Variants in XRCC1 observed in about 807,000 individuals in gnomAD.
The protein encoded by XRCC1 is DNA repair protein XRCC1.
XRCC1 carries 52 observed loss-of-function variants against 83.3 expected under a neutral mutation model. The ratio of observed to expected loss-of-function variants is 0.62; its 90% confidence interval spans 0.50 to 0.79. The LOEUF is 0.79. Ranked by LOEUF, XRCC1 falls within the 30% of genes least tolerant of loss-of-function variation. XRCC1 has a pLI of 0.00. For synonymous variants in XRCC1, 281 were observed against 312.6 expected, an observed-to-expected ratio of 0.90 and a Z score of 1.07; for missense variants, 793 against 823.5, an observed-to-expected ratio of 0.96 and a Z score of 0.45.
At chr19:43,573,664 G>T (rs1268410940) in intron 2 of XRCC1, among the ~76,000 whole-genome samples, 1 of 152,094 alleles carries the variant, frequency 6.6e-6, no homozygotes, top group Non-Finnish European at 1.5e-5. Flanking sequence ...CTTGAGCCCA[G>T]GAGTTTGAGA....
At position 43,543,674 on chromosome 19, in the gene XRCC1, A is replaced by T. The variant is rs2682557; in HGVS notation, c.1726T>A (p.Tyr576Asn). The T allele has an allele frequency of 1.4e-5, 23 of 1,613,862 alleles. No homozygotes were observed. The highest frequency in any genetic ancestry group is 1.9e-5 in the Non-Finnish European group (23 of 1,180,010). ...VTAFNGELED[Y>N]MSDRVQFVIT... ...ACAAACTGAACCCGGTCACTCATATAGTCCTCGAGCTCCCTGGCGGGAGAG... is the reference window on the plus strand; with the variant it reads ...ACAAACTGAACCCGGTCACTCATATTGTCCTCGAGCTCCCTGGCGGGAGAG... Residue 576 changes from tyrosine (Y) to asparagine (N), a missense_variant, in exon 16 of 17, where the codon TAT (tyrosine) becomes AAT (asparagine). Transcript: ENST00000262887.
Position 43,543,685 on chromosome 19 carries a change from T to C in XRCC1, c.1715A>G (p.Glu572Gly). Reference protein sequence around the residue: ...LIRYVTAFNGELEDYMSDRVQ... With the variant: ...LIRYVTAFNGGLEDYMSDRVQ... Reference sequence around the variant, plus strand: ...CCGGTCACTCATATAGTCCTCGAGCTCCCTGGCGGGAGAGAAGAAAAGAGG... The same window carrying C: ...CCGGTCACTCATATAGTCCTCGAGCCCCCTGGCGGGAGAGAAGAAAAGAGG... The change falls in exon 16 of 17, where the codon GAG becomes GGG. Residue 572 changes from glutamate to glycine, a missense_variant and splice_region_variant. By Grantham distance (98) the Glu-to-Gly change is moderately conservative. Transcript: ENST00000262887. 6.2e-7 allele frequency: 1 copy of C among 1,613,664 alleles called. No individual in the cohort carries two copies. The highest frequency in any genetic ancestry group is 8.5e-7 in the Non-Finnish European group (1 of 1,179,910).
intron 10 of XRCC1, among the ~76,000 whole-genome samples, chr19:43,548,272 T>C (rs1196804409): frequency 4.0e-5 from 6 of 151,582 alleles, no homozygotes; most frequent in Non-Finnish European, 7.4e-5. Context: ...GTCTGGGAGG[T>C]GTACCCAACA....
At position 43,554,632 on chromosome 19, in the gene XRCC1, C is replaced by T. The variant is rs1198271867; in HGVS notation, c.414+14G>A. On this transcript the variant is annotated intron_variant, in intron 4 of 16. Transcript: ENST00000262887. ...GGACCAAGGACTCTGCACCCTGGCTCCCACCCTAGGTACCTTGCTGTAGGG... is the reference window on the plus strand; with the variant it reads ...GGACCAAGGACTCTGCACCCTGGCTTCCACCCTAGGTACCTTGCTGTAGGG... 6.2e-7 allele frequency: 1 copy of T among 1,602,648 alleles called. No homozygotes were observed. The highest frequency in any genetic ancestry group is 1.1e-5 in the South Asian group (1 of 90,514).
chr19:43,574,900 G>T lies in XRCC1; in HGVS notation c.144+10C>A, dbSNP rs1444740105. On this transcript the variant is annotated intron_variant, in intron 2 of 16. Coordinates refer to ENST00000262887, the MANE Select transcript of XRCC1 (RefSeq NM_006297.3). ...CTCCTAGTGAGGAGGAGGTGGGGTG[G>T]CAGGATCACCTGTAGGACCACAGAG... is the stretch of plus-strand genomic sequence containing the variant. 1 of 1,611,316 alleles carries T rather than the reference G, an allele frequency of 6.2e-7. No individual in the cohort carries two copies. The highest frequency in any genetic ancestry group is 1.7e-5 in the Admixed American group (1 of 60,020).
intron 3 of XRCC1, among the ~76,000 whole-genome samples, chr19:43,558,755 C>T (rs1316208477): frequency 6.6e-6 from 1 of 150,952 alleles, no homozygotes; most frequent in Non-Finnish European, 1.5e-5. Flanking sequence ...GAAGAGAGTA[C>T]AGAAATAAAC....
Position 43,554,708 on chromosome 19 carries a change from G to A in XRCC1, c.352C>T (p.Arg118Trp), listed in dbSNP as rs143881845. Reference sequence around the variant, plus strand: ...TCCCAGCGCTTCTCGGCGGCTGCCCGGACCAGCTTGTCAGGCCCAAACATG... The same window carrying A: ...TCCCAGCGCTTCTCGGCGGCTGCCCAGACCAGCTTGTCAGGCCCAAACATG... ...VRMFGPDKLV[R>W]AAAEKRWDRV... The change falls in exon 4 of 17, where the codon CGG (arginine) becomes TGG (tryptophan). Residue 118 changes from arginine (R) to tryptophan (W), a missense_variant. Physicochemically the swap from Arg to Trp is moderately radical, Grantham distance 101. Transcript: ENST00000262887. 1,118 of 1,613,950 alleles carry A rather than the reference G, an allele frequency of 6.9e-4. No individual in the cohort carries two copies. The highest frequency in any genetic ancestry group is 8.6e-4 in the Non-Finnish European group (1,013 of 1,179,892).
chr19:43,553,517 G>C lies in XRCC1; in HGVS notation c.490-5C>G, dbSNP rs375287716. On this transcript the variant is annotated splice_polypyrimidine_tract_variant and splice_region_variant and intron_variant, in intron 5 of 16. Transcript: ENST00000262887. ...AAGCTTGGTCACTGTCACCTTCTAA[G>C]GTCCCGCAAGGTCAGTATTATAGGT... The C allele has an allele frequency of 1.5e-5, 24 of 1,613,986 alleles. No individual in the cohort carries two copies. In the African/African-American group the frequency reaches 1.9e-4, roughly 13 times the overall value.
At chr19:43,561,205 A>T (rs571988810) in intron 2 of XRCC1, among the ~76,000 whole-genome samples, 185 bp from the exon 3 acceptor site, 6 of 152,264 alleles carry the variant, frequency 3.9e-5, no homozygotes, top group African/African-American at 1.4e-4. Flanking sequence ...TGGAGCAGAA[A>T]CTCACAAAAT....
Position 43,561,401 on chromosome 19 carries a change from G to A in XRCC1, c.145-381C>T, listed in dbSNP as rs55705400. Among the ~76,000 whole-genome samples the A allele has an allele frequency of 3.9e-5, 6 of 152,216 alleles. No homozygotes were observed. In the East Asian group the frequency reaches 9.7e-4, roughly 24 times the overall value. On this transcript the variant is annotated intron_variant, in intron 2 of 16. Transcript: ENST00000262887. ...CACATGTCACCCCTCACCCACAATC[G>A]CAGAGGACTCCAGGAAACCTCCCTG...
In XRCC1 at chr19:43,546,901, G is replaced by C. The variant is rs1972517032; in HGVS notation, c.1276C>G (p.Pro426Ala). 4 of 1,613,860 alleles carry C rather than the reference G, an allele frequency of 2.5e-6. No homozygotes were observed. Among genetic ancestry groups the C allele is most frequent in the Non-Finnish European group, 3.4e-6 (4 of 1,180,018 alleles). Residue 426 changes from proline to alanine, a missense_variant, in exon 11 of 17, where the codon CCC (proline) becomes GCC (alanine). Pro to Ala is a conservative substitution (Grantham distance 27). Transcript: ENST00000262887. ...CATCAGACCTTCTGAGGAAGCTTGG[G>C]GGCTTCATCTCCGCTGCCACCGCTG... ...SHSGGSGDEA[P>A]KLPQKQPQTK... is the part of the protein sequence containing the mutation.
At chr19:43,573,671 G>C (rs1343822575) in intron 2 of XRCC1, among the ~76,000 whole-genome samples, 2 of 152,082 alleles carry the variant, frequency 1.3e-5, no homozygotes, top group Non-Finnish European at 2.9e-5. Flanking sequence ...CCAGGAGTTT[G>C]AGACCAGCCT....
chr19:43,546,745 G>A lies in XRCC1; in HGVS notation c.1294-18C>T. 6.2e-7 allele frequency: 1 copy of A among 1,603,746 alleles called. No homozygotes were observed. Among genetic ancestry groups the A allele is most frequent in the Non-Finnish European group, 8.5e-7 (1 of 1,175,206 alleles). On this transcript the variant is annotated intron_variant, in intron 11 of 16. Transcript: ENST00000262887. Reference sequence around the variant, plus strand: ...TGGGGTTGCTAAGGAGGGAGAGTGGGTGGGTGAGGAGGGCAGGAACAGTGT... The same window carrying A: ...TGGGGTTGCTAAGGAGGGAGAGTGGATGGGTGAGGAGGGCAGGAACAGTGT...
intron 10 of XRCC1, among the ~76,000 whole-genome samples, chr19:43,547,329 G>A (rs1453013329): frequency 6.6e-6 from 1 of 151,762 alleles, no homozygotes; most frequent in Non-Finnish European, 1.5e-5. Flanking sequence ...GGGATTACAG[G>A]TGCACACCAC....
At position 43,544,850 on chromosome 19, in the gene XRCC1, G is replaced by T. The variant is rs562008974; in HGVS notation, c.1622-616C>A. Among the ~76,000 whole-genome samples the T allele has an allele frequency of 3.3e-5, 5 of 151,686 alleles. No individual in the cohort carries two copies. The South Asian group carries it at 6.3e-4, about 19-fold the overall frequency. On this transcript the variant is annotated intron_variant, in intron 14 of 16. Coordinates refer to ENST00000262887, the MANE Select transcript of XRCC1 (RefSeq NM_006297.3). ...TTTGTAAAGGCGGGGGTCGGGGGGGGTCTCACTATGTTGCCCAGGCTGGTC... is the reference window on the plus strand; with the variant it reads ...TTTGTAAAGGCGGGGGTCGGGGGGGTTCTCACTATGTTGCCCAGGCTGGTC...
At position 43,561,016 on chromosome 19, in the gene XRCC1, T is replaced by C; in HGVS notation, c.149A>G (p.Glu50Gly). 7 of 1,613,718 alleles carry C rather than the reference T, an allele frequency of 4.3e-6. No individual in the cohort carries two copies. The highest frequency in any genetic ancestry group is 5.9e-6 in the Non-Finnish European group (7 of 1,179,642). The part of the protein sequence containing the change: ...EKTISVVLQL[E>G]KEEQIHSVDI... ...CACACTGTGTATCTGCTCCTCCTTC[T>C]CCAACTGTGGGCAGAGAGAGAGGCC... Residue 50 changes from glutamate (E) to glycine (G), a missense_variant, in exon 3 of 17, where the codon GAG becomes GGG. By Grantham distance (98) the Glu-to-Gly change is moderately conservative. Transcript: ENST00000262887.
intron 3 of XRCC1, chr19:43,555,484 C>T (rs1972627014): frequency 6.6e-6 from 1 of 152,236 alleles, no homozygotes; most frequent in South Asian, 2.1e-4. Flanking sequence ...TGGTTCCTGC[C>T]TGCAGCAGCA....
chr19:43,548,276 C>T (rs1336045897), intron 10 of XRCC1, among the ~76,000 whole-genome samples: 2 of 152,016 alleles, frequency 1.3e-5, no homozygotes, highest in Non-Finnish European at 2.9e-5. Context: ...GGGAGGTGTA[C>T]CCAACAGCTC....
intron 3 of XRCC1, among the ~76,000 whole-genome samples, chr19:43,558,982 T>C (rs1972667815): frequency 6.6e-6 from 1 of 151,596 alleles, no homozygotes; most frequent in Non-Finnish European, 1.5e-5. Flanking sequence ...ACAAAAAATT[T>C]TTTAAAAAAT....
Sources: gnomAD v4.1 joint callset for allele counts (sites outside exome capture counted in the v4.1 genomes callset) on GRCh38, gnomAD v4.1.1 for gene constraint, MANE v1.5 for transcripts, NCBI Gene and HGNC (gene_info 2026-07-23, HGNC 2026-07-21) for gene names.